The following ANKH variants were observed in gnomAD, a reference collection of about 807,000 sequenced individuals.
ANKH encodes the protein mineralization regulator ANKH.
A neutral mutation model predicts 49.0 loss-of-function variants in ANKH; 15 were observed. That is an observed-to-expected ratio of 0.31 (90% CI 0.20 to 0.47). The LOEUF (loss-of-function observed/expected upper bound fraction) is 0.47. ANKH is among the 20% of genes least tolerant of loss of function. The pLI is 1.00. For missense variants in ANKH, 429 were observed against 652.0 expected, an observed-to-expected ratio of 0.66 and a Z score of 3.72; for synonymous variants, 273 against 260.0, an observed-to-expected ratio of 1.05 and a Z score of -0.48.
chr5:14,787,685 G>A (rs987293918), intron 1 of ANKH, among the ~76,000 whole-genome samples: 4 of 152,228 alleles, frequency 2.6e-5, no homozygotes, highest in Non-Finnish European at 4.4e-5. Flanking sequence ...TTTCTAGGGT[G>A]CAAAGCCAAG....
At chr5:14,764,845 G>A (rs1370993502) in intron 2 of ANKH, among the ~76,000 whole-genome samples, 1 of 152,212 alleles carries the variant, frequency 6.6e-6, no homozygotes, top group South Asian at 2.1e-4. Context: ...CTGCAGTTTT[G>A]TTCCCCTGAA....
chr5:14,857,781 G>T (rs2126628236), intron 1 of ANKH, among the ~76,000 whole-genome samples: 1 of 152,310 alleles, frequency 6.6e-6, no homozygotes, highest in East Asian at 1.9e-4. Flanking sequence ...GATTCTCAAA[G>T]TCACAGGGCA....
intron 2 of ANKH, among the ~76,000 whole-genome samples, chr5:14,767,249 G>C (rs917119285): frequency 3.3e-5 from 5 of 152,206 alleles, no homozygotes; most frequent in African/African-American, 1.2e-4. Context: ...CGACGTAGCA[G>C]ATGGCAAAGG....
chr5:14,861,300 C>G (rs190872728), intron 1 of ANKH, among the ~76,000 whole-genome samples: 1 of 152,286 alleles, frequency 6.6e-6, no homozygotes, highest in Admixed American at 6.5e-5. Flanking sequence ...CTGATAACCA[C>G]AAAGCTGACC....
At chr5:14,817,433 T>C (rs1373070675) in intron 1 of ANKH, among the ~76,000 whole-genome samples, 1 of 152,168 alleles carries the variant, frequency 6.6e-6, no homozygotes, top group South Asian at 2.1e-4. Flanking sequence ...AGAAGGAATA[T>C]AGGCATTTCT....
intron 1 of ANKH, chr5:14,825,788 G>A (rs1258765974): frequency 6.6e-6 from 1 of 152,188 alleles, no homozygotes; most frequent in Non-Finnish European, 1.5e-5. Context: ...TAATCTTAAC[G>A]TTGTCCGTGT....
At chr5:14,764,529 G>A (rs574036992) in intron 2 of ANKH, among the ~76,000 whole-genome samples, 134 of 152,316 alleles carry the variant, frequency 8.8e-4, no homozygotes, top group Admixed American at 2.1e-3. Flanking sequence ...AGAGGCCTGA[G>A]CCTAGTCAAG....
rs181574319 is a variant in ANKH at position 14,752,269 on chromosome 5, C to T, written c.517-1030G>A. On this transcript the variant is annotated intron_variant, in intron 4 of 11. Transcript: ENST00000284268. ...AGGTTACAGTGAGTTTTGATCGTGCCACTGCACTCCAGCCTGGGTGACAGT... is the reference window on the plus strand; with the variant it reads ...AGGTTACAGTGAGTTTTGATCGTGCTACTGCACTCCAGCCTGGGTGACAGT... Among the ~76,000 whole-genome samples the T allele has an allele frequency of 2.1e-3, 327 of 152,200 alleles. 4 individuals carry two copies. The highest frequency in any genetic ancestry group is 7.3e-3 in the African/African-American group (303 of 41,522).
chr5:14,765,680 A>G (rs888476886), intron 2 of ANKH, among the ~76,000 whole-genome samples: 1 of 152,246 alleles, frequency 6.6e-6, no homozygotes, highest in African/African-American at 2.4e-5. Flanking sequence ...AGGACCTAGT[A>G]GAAGGTTCTT....
chr5:14,715,103 T>C (rs1290478432), intron 9 of ANKH, among the ~76,000 whole-genome samples: 1 of 152,246 alleles, frequency 6.6e-6, no homozygotes, highest in Non-Finnish European at 1.5e-5. Context: ...CCATCAGCCC[T>C]GGCCTACCTG....
At chr5:14,817,147 AT>A (rs1369105136) in intron 1 of ANKH, among the ~76,000 whole-genome samples, 9 of 152,116 alleles carry the variant, frequency 5.9e-5, no homozygotes, top group Non-Finnish European at 1.0e-4. Context: ...AGAGTCTAGG[AT>A]TGGGCACCAC....
intron 1 of ANKH, chr5:14,870,970 C>A: frequency 2.7e-6 from 1 of 364,262 alleles, no homozygotes; most frequent in South Asian, 2.1e-5. Context: ...ATCTCCCCAC[C>A]GTCACCATTA....
chr5:14,717,800 AC>A (rs1580003190), intron 8 of ANKH, among the ~76,000 whole-genome samples: 2 of 152,194 alleles, frequency 1.3e-5, no homozygotes, highest in African/African-American at 4.8e-5. Flanking sequence ...CATTATACTT[AC>A]AGGTTACACA....
rs1736962504 is a variant in ANKH, at chr5:14,706,895, T to G, written c.*4302A>C. On this transcript the variant is annotated 3_prime_UTR_variant, in exon 12 of 12. Transcript: ENST00000284268. ...ATCAGAGGACTGTGTGTGAGGGCGATGTCTACAGAATGCAGGCAGGAGCTG... is the reference window on the plus strand; with the variant it reads ...ATCAGAGGACTGTGTGTGAGGGCGAGGTCTACAGAATGCAGGCAGGAGCTG... The G allele has an allele frequency of 6.6e-6, 1 of 152,238 alleles. No individual in the cohort carries two copies. The highest frequency in any genetic ancestry group is 1.5e-5 in the Non-Finnish European group (1 of 68,040). The allele number at this position is 152,238 out of a possible 1,614,324, so 9.4% of individuals were successfully genotyped here.
chr5:14,705,323 C>G lies in ANKH; in HGVS notation c.*5874G>C, dbSNP rs746184307. 15 of 152,032 alleles carry G rather than the reference C, an allele frequency of 9.9e-5. No homozygotes were observed. The highest frequency in any genetic ancestry group is 2.2e-4 in the Non-Finnish European group (15 of 68,000). The allele number at this position is 152,032 out of a possible 1,614,324, so 9.4% of individuals were successfully genotyped here. A position where few individuals can be genotyped will look rare whatever the true frequency, so the allele number is the denominator to read the frequency against. On this transcript the variant is annotated 3_prime_UTR_variant, in exon 12 of 12. Coordinates refer to ENST00000284268, the MANE Select transcript of ANKH (RefSeq NM_054027.6). ...TCTAGATCACTGCTAATGTTCAGATCTGAAATGAAGAATGAGGTGATTTTA... is the reference window on the plus strand; with the variant it reads ...TCTAGATCACTGCTAATGTTCAGATGTGAAATGAAGAATGAGGTGATTTTA...
rs1738233339 is a variant in ANKH, at chr5:14,737,746, C to G, written c.1011+4081G>C. ...TTTTTGAAATGTGCTTCCCTTCACC[C>G]CAAACAGCTGCTTGTCAGTCAGCAG... On this transcript the variant is annotated intron_variant, in intron 8 of 11. Transcript: ENST00000284268. This position sits in a 1 kb window ranked among gnomAD's most constrained non-coding sequence, Gnocchi z 5.0. Among the ~76,000 whole-genome samples, 1 of 152,242 alleles carries G rather than the reference C, an allele frequency of 6.6e-6. No individual in the cohort carries two copies. Among genetic ancestry groups the G allele is most frequent in the Non-Finnish European group, 1.5e-5 (1 of 68,040 alleles).
chr5:14,778,332 C>A (rs1739697250), intron 1 of ANKH, among the ~76,000 whole-genome samples: 1 of 152,198 alleles, frequency 6.6e-6, no homozygotes, highest in African/African-American at 2.4e-5. Flanking sequence ...TCCCTTCTAG[C>A]CCCTTAGATT....
chr5:14,762,662 C>G (rs1300418681), intron 2 of ANKH, among the ~76,000 whole-genome samples: 1 of 149,378 alleles, frequency 6.7e-6, no homozygotes, highest in Non-Finnish European at 1.5e-5. Context: ...ATCCCAACAA[C>G]TGTTTTCACC....
Position 14,770,810 on chromosome 5 carries a change from T to C in ANKH, c.97-1619A>G, listed in dbSNP as rs940800959. On this transcript the variant is annotated intron_variant, in intron 1 of 11. Transcript: ENST00000284268. The surrounding 1 kb of genome is among the most constrained non-coding windows in gnomAD (Gnocchi z 4.1). ...TACATTAGGGCTTACTCTTGGTATA[T>C]TGTACATTCTGTGGATTCTGACAAA... 7.9e-5 allele frequency among the ~76,000 whole-genome samples: 12 copies of C among 152,218 alleles called. No individual in the cohort carries two copies. The highest frequency in any genetic ancestry group is 1.3e-4 in the Admixed American group (2 of 15,288).
Sources: gnomAD v4.1 joint callset for allele counts (sites outside exome capture counted in the v4.1 genomes callset) on GRCh38, gnomAD v4.1.1 for gene constraint, Gnocchi (gnomAD v3.1) non-coding constraint, MANE v1.5 for transcripts, NCBI Gene and HGNC (gene_info 2026-07-23, HGNC 2026-07-21) for gene names.